CYRIB: variants seen among roughly 807,000 people sequenced by gnomAD.
The protein encoded by CYRIB is CYFIP-related Rac1 interactor B.
A neutral mutation model predicts 44.2 loss-of-function variants in CYRIB; 8 were observed. The ratio of observed to expected loss-of-function variants is 0.18; its 90% CI spans 0.11 to 0.33. The LOEUF (loss-of-function observed/expected upper bound fraction) is 0.33, where lower values mean the gene tolerates loss of function less well. Among genes scored for constraint, CYRIB ranks in the 10% least tolerant of loss-of-function variants. CYRIB has a pLI of 1.00. For synonymous variants in CYRIB, 131 were observed against 127.2 expected, an observed-to-expected ratio of 1.03 and a Z score of -0.20; for missense variants, 185 against 382.8, an observed-to-expected ratio of 0.48 and a Z score of 4.31.
At chr8:129,925,042 C>T (rs2086647902) in intron 1 of CYRIB, among the ~76,000 whole-genome samples, 2 of 152,190 alleles carry the variant, frequency 1.3e-5, no homozygotes, top group African/African-American at 4.8e-5. Flanking sequence ...CTCCTTTCCA[C>T]CTTGCTAACC....
chr8:129,845,217 G>A (rs2039156713), intron 11 of CYRIB, among the ~76,000 whole-genome samples: 1 of 152,174 alleles, frequency 6.6e-6, no homozygotes, highest in South Asian at 2.1e-4. Context: ...CTACCTTCAA[G>A]CTCAAGAAAG....
At chr8:129,993,365 C>T (rs1168288104) in intron 1 of CYRIB, among the ~76,000 whole-genome samples, 1 of 150,954 alleles carries the variant, frequency 6.6e-6, no homozygotes, top group Non-Finnish European at 1.5e-5. Flanking sequence ...TACACTCCAG[C>T]CTGGGTGACA....
chr8:129,863,894 T>C lies in CYRIB; in HGVS notation c.196-1560A>G, dbSNP rs571269875. ...CTAACATCTTGAAACAAACTAAACATACCATCTGAAATTCAGAACTAAAGC... is the reference window on the plus strand; with the variant it reads ...CTAACATCTTGAAACAAACTAAACACACCATCTGAAATTCAGAACTAAAGC... On this transcript the variant is annotated intron_variant, in intron 4 of 11. Coordinates refer to ENST00000519824, the Ensembl canonical transcript of CYRIB. Among the ~76,000 whole-genome samples, 41 of 152,282 alleles carry C rather than the reference T, an allele frequency of 2.7e-4. 1 individual carries two copies. In the South Asian group the frequency reaches 8.5e-3, roughly 32 times the overall value.
intron 2 of CYRIB, among the ~76,000 whole-genome samples, chr8:129,898,833 T>C (rs2069744412): frequency 6.6e-6 from 1 of 152,078 alleles, no homozygotes; most frequent in Non-Finnish European, 1.5e-5. Flanking sequence ...GCCAAGGAGG[T>C]GGTAATTATA....
At chr8:129,992,249 C>T (rs1167438715) in intron 1 of CYRIB, among the ~76,000 whole-genome samples, 1 of 150,732 alleles carries the variant, frequency 6.6e-6, no homozygotes, top group Non-Finnish European at 1.5e-5. Flanking sequence ...TGAGCTCAGG[C>T]GGTCAAGGCC....
Position 129,959,889 on chromosome 8 carries a change from C to G in CYRIB, c.-243+11054G>C, listed in dbSNP as rs114624585. 9.6e-3 allele frequency among the ~76,000 whole-genome samples: 1,458 copies of G among 152,208 alleles called. 22 individuals carry two copies. Among genetic ancestry groups the G allele is most frequent in the African/African-American group, 0.033 (1,370 of 41,528 alleles). ...AGTTCAGGAAGTTTGTTCAGTGGCT[C>G]TAGGGAGAGATGGTAGCTCTTTTCT... On this transcript the variant is annotated intron_variant, in intron 2 of 14. Coordinates refer to the CYRIB transcript ENST00000401979.
At chr8:129,940,474 T>A (rs1871943), upstream of CYRIB, among the ~76,000 whole-genome samples, 8,651 of 152,218 alleles carry the variant, frequency 0.057, 822 homozygotes, top group African/African-American at 0.19. Flanking sequence ...CTCTCAGATA[T>A]ATCAGACCCC....
intron 1 of CYRIB, among the ~76,000 whole-genome samples, chr8:129,996,310 A>G (rs1003787835): frequency 2.0e-5 from 3 of 152,096 alleles, no homozygotes; most frequent in African/African-American, 7.2e-5. Flanking sequence ...AGACTTCCCT[A>G]CATCACAAGC....
intron 1 of CYRIB, among the ~76,000 whole-genome samples, chr8:129,977,749 G>A (rs978135739): frequency 6.6e-6 from 1 of 152,028 alleles, no homozygotes; most frequent in Non-Finnish European, 1.5e-5. Flanking sequence ...AGCCAGGATG[G>A]TCTCGATCTC....
At chr8:130,010,814 C>G (rs770419262) in intron 1 of CYRIB, among the ~76,000 whole-genome samples, 2 of 152,164 alleles carry the variant, frequency 1.3e-5, no homozygotes, top group Non-Finnish European at 2.9e-5. Context: ...GGGAGAGGGT[C>G]AGGTTGGATG....
intron 2 of CYRIB, among the ~76,000 whole-genome samples, chr8:129,949,771 G>A (rs193219991): frequency 1.2e-4 from 18 of 152,038 alleles, no homozygotes; most frequent in African/African-American, 4.1e-4. Context: ...CCAGCTACTC[G>A]GGAGGCTGAG....
chr8:129,908,377 A>T (rs1332350988), intron 1 of CYRIB, among the ~76,000 whole-genome samples: 2 of 152,204 alleles, frequency 1.3e-5, no homozygotes, highest in African/African-American at 4.8e-5. Context: ...ATAAAAAGCA[A>T]ATATGGTAAA....
intron 1 of CYRIB, among the ~76,000 whole-genome samples, chr8:129,929,050 G>C (rs1249562422): frequency 6.6e-6 from 1 of 152,002 alleles, no homozygotes; most frequent in Non-Finnish European, 1.5e-5. Flanking sequence ...CCATCAACTG[G>C]TAATGAATAA....
At chr8:129,868,316 GC>G (rs988980558) in intron 4 of CYRIB, among the ~76,000 whole-genome samples, 5 of 152,076 alleles carry the variant, frequency 3.3e-5, no homozygotes, top group Admixed American at 2.6e-4. Context: ...TTTAAATGCA[GC>G]TTTTCCGTTT....
intron 2 of CYRIB, among the ~76,000 whole-genome samples, chr8:129,956,448 C>A (rs1367014833): frequency 6.6e-6 from 1 of 151,952 alleles, no homozygotes; most frequent in African/African-American, 2.4e-5. Flanking sequence ...TAAAAGATTG[C>A]CAGGTGATTC....
At chr8:129,950,599 G>A (rs996382196) in intron 2 of CYRIB, among the ~76,000 whole-genome samples, 2 of 151,830 alleles carry the variant, frequency 1.3e-5, no homozygotes, top group Non-Finnish European at 2.9e-5. Context: ...GAAACTAATG[G>A]TACTCATTGT....
At chr8:129,858,997 T>TA (rs1319304249) in intron 5 of CYRIB, among the ~76,000 whole-genome samples, 2 of 151,962 alleles carry the variant, frequency 1.3e-5, no homozygotes, top group African/African-American at 4.8e-5. Context: ...AAGACAAAGA[T>TA]AAAAGAAAAG....
At chr8:129,920,779 C>T (rs2083157445) in intron 1 of CYRIB, among the ~76,000 whole-genome samples, 1 of 152,080 alleles carries the variant, frequency 6.6e-6, no homozygotes, top group Admixed American at 6.5e-5. Context: ...TTCCCCTATC[C>T]CCTTTCATTT....
At chr8:129,842,319 G>A in intron 11 of CYRIB, 114 bp from the exon 14 acceptor site, 1 of 726,196 alleles carries the variant, frequency 1.4e-6, no homozygotes, top group Non-Finnish European at 2.3e-6. Context: ...ACAAAATTAT[G>A]GCTTCTCATT....
Sources: gnomAD v4.1 joint callset for allele counts (sites outside exome capture counted in the v4.1 genomes callset) on GRCh38, gnomAD v4.1.1 for gene constraint, MANE v1.5 for transcripts, NCBI Gene and HGNC (gene_info 2026-07-23, HGNC 2026-07-21) for gene names.